RPH3A: variants seen among roughly 807,000 people sequenced by gnomAD.
RPH3A encodes the protein rabphilin 3A, also known as rabphilin-3A.
In RPH3A, 48 loss-of-function variants were observed where a neutral mutation model predicts 102.2. The ratio of observed to expected loss-of-function variants is 0.47; its 90% CI spans 0.37 to 0.60. RPH3A has a LOEUF of 0.60. RPH3A is among the 20% of genes least tolerant of loss of function. The probability of loss-of-function intolerance (pLI) is 0.00; values close to 1 mark genes in which losing one functional copy is unlikely to be tolerated. For synonymous variants in RPH3A, 310 were observed against 324.3 expected (o/e 0.96, Z 0.47); for missense variants, 781 against 910.1 (o/e 0.86, Z 1.83).
intron 5 of RPH3A, among the ~76,000 whole-genome samples, chr12:112,856,483 CATGTGT>C (rs994116144): frequency 2.3e-4 from 20 of 86,740 alleles, no homozygotes; most frequent in African/African-American, 1.1e-3. Context: ...CACACATGTG[CATGTGT>C]GTGTGTGTGT....
intron 4 of RPH3A, among the ~76,000 whole-genome samples, chr12:112,837,176 G>A (rs2042066238): frequency 6.6e-6 from 1 of 152,164 alleles, no homozygotes; most frequent in Non-Finnish European, 1.5e-5. Flanking sequence ...GCAATCATGG[G>A]ACTCTGGGAC....
intron 1 of RPH3A, among the ~76,000 whole-genome samples, chr12:112,683,275 A>G (rs191843913): frequency 9.8e-5 from 15 of 152,286 alleles, no homozygotes; most frequent in Middle Eastern, 3.4e-3. Context: ...TAAAAAGACC[A>G]TGAGTGTTCT....
At chr12:112,784,658 G>A (rs1251464680) in intron 1 of RPH3A, among the ~76,000 whole-genome samples, 1 of 152,214 alleles carries the variant, frequency 6.6e-6, no homozygotes, top group Non-Finnish European at 1.5e-5. Flanking sequence ...ACAAGACTGA[G>A]CTGTGTTCTT....
intron 1 of RPH3A, among the ~76,000 whole-genome samples, chr12:112,760,511 A>T (rs4767005): frequency 0.78 from 118,649 of 152,224 alleles, 47,249 homozygotes; most frequent in African/African-American, 0.94. Context: ...GAAAAGTTGC[A>T]ATCTAGTTGT....
chr12:112,722,800 C>T (rs1026838419), intron 1 of RPH3A, among the ~76,000 whole-genome samples: 1 of 152,190 alleles, frequency 6.6e-6, no homozygotes, highest in Non-Finnish European at 1.5e-5. Flanking sequence ...GAGAAGAAGG[C>T]TAGAAACAGC....
At chr12:112,883,475 G>T (rs2042957694) in intron 16 of RPH3A, 73 bp downstream of exon 16, 5 of 1,050,062 alleles carry the variant, frequency 4.8e-6, no homozygotes, top group Admixed American at 1.8e-5. Flanking sequence ...GACTTGGGGT[G>T]AGGCCCCCAG....
chr12:112,720,261 C>G (rs2040541993), intron 1 of RPH3A, among the ~76,000 whole-genome samples: 1 of 152,198 alleles, frequency 6.6e-6, no homozygotes, highest in Non-Finnish European at 1.5e-5. Context: ...TTAAATCCTG[C>G]AAAGTTCAAT....
At chr12:112,868,365 C>G in intron 7 of RPH3A, 65 bp from the exon 8 acceptor site, 1 of 1,539,768 alleles carries the variant, frequency 6.5e-7, no homozygotes, top group Non-Finnish European at 8.9e-7. Flanking sequence ...AAAATGGGCA[C>G]TCATGAAGGT....
At chr12:112,827,881 G>A (rs1415161421) in intron 2 of RPH3A, among the ~76,000 whole-genome samples, 5 of 138,796 alleles carry the variant, frequency 3.6e-5, no homozygotes, top group African/African-American at 1.4e-4. Flanking sequence ...TATGTATCCC[G>A]GAACTTAAGT....
chr12:112,746,446 A>C (rs1455699815), intron 1 of RPH3A, among the ~76,000 whole-genome samples: 2 of 151,862 alleles, frequency 1.3e-5, no homozygotes, highest in African/African-American at 4.8e-5. Context: ...GCCCTCCATC[A>C]CTCAACCCAA....
intron 1 of RPH3A, among the ~76,000 whole-genome samples, chr12:112,690,401 G>A (rs928510274): frequency 6.6e-6 from 1 of 152,186 alleles, no homozygotes; most frequent in African/African-American, 2.4e-5. Context: ...GGGGAAGAAA[G>A]TGCCATGCTA....
chr12:112,741,185 C>T (rs1161681954), intron 1 of RPH3A, among the ~76,000 whole-genome samples: 1 of 152,144 alleles, frequency 6.6e-6, no homozygotes, highest in Non-Finnish European at 1.5e-5. Flanking sequence ...TGGCTCAAAA[C>T]AAAACAGAAA....
At chr12:112,796,024 C>T (rs1346396583) in intron 2 of RPH3A, among the ~76,000 whole-genome samples, 2 of 152,158 alleles carry the variant, frequency 1.3e-5, no homozygotes, top group Non-Finnish European at 2.9e-5. Flanking sequence ...GAGACAGGAG[C>T]TGCCAGCCCC....
intron 1 of RPH3A, among the ~76,000 whole-genome samples, chr12:112,581,345 C>CGAGGCT: frequency 6.6e-6 from 1 of 152,132 alleles, no homozygotes; most frequent in Non-Finnish European, 1.5e-5. Context: ...GGCTTATTCA[C>CGAGGCT]TATCATGAGA....
chr12:112,881,101 G>C (rs1448544132), intron 14 of RPH3A, among the ~76,000 whole-genome samples: 12 of 152,286 alleles, frequency 7.9e-5, no homozygotes, highest in Admixed American at 2.6e-4. Context: ...GCTGTGCAGA[G>C]GGATGACGGG....
intron 1 of RPH3A, among the ~76,000 whole-genome samples, chr12:112,577,914 G>C (rs1372108143): frequency 6.6e-6 from 1 of 152,062 alleles, no homozygotes; most frequent in Non-Finnish European, 1.5e-5. Flanking sequence ...CACACATACT[G>C]CATTTCACAT....
intron 1 of RPH3A, among the ~76,000 whole-genome samples, chr12:112,641,546 G>A (rs1339626350): frequency 2.0e-5 from 3 of 152,198 alleles, no homozygotes; most frequent in East Asian, 1.9e-4. Flanking sequence ...ACAGATGCAC[G>A]CCACCACACC....
chr12:112,717,411 A>G (rs1429964434), intron 1 of RPH3A, among the ~76,000 whole-genome samples: 1 of 152,150 alleles, frequency 6.6e-6, no homozygotes, highest in Non-Finnish European at 1.5e-5. Flanking sequence ...TGTAATATAC[A>G]TTAGGTTGGT....
intron 1 of RPH3A, among the ~76,000 whole-genome samples, chr12:112,737,836 C>T (rs752597440): frequency 4.6e-5 from 7 of 152,278 alleles, no homozygotes; most frequent in East Asian, 1.9e-4. Context: ...TGTCCATGAC[C>T]GGTGCTGGTC....
Sources: gnomAD v4.1 joint callset for allele counts (sites outside exome capture counted in the v4.1 genomes callset) on GRCh38, gnomAD v4.1.1 for gene constraint, MANE v1.5 for transcripts, NCBI Gene and HGNC (gene_info 2026-07-23, HGNC 2026-07-21) for gene names.